Variants in KCNH8 observed in about 807,000 individuals in gnomAD.
The protein encoded by KCNH8 is potassium voltage-gated channel subfamily H member 8.
A neutral mutation model predicts 103.6 loss-of-function variants in KCNH8; 70 were observed. The observed-to-expected ratio is 0.68, with a 90% CI of 0.56 to 0.82. The LOEUF is 0.82. Ranked by LOEUF, KCNH8 falls within the 40% of genes least tolerant of loss-of-function variation. The pLI, the probability that KCNH8 is intolerant of heterozygous loss-of-function variation, is 0.00. For synonymous variants in KCNH8, 498 were observed against 489.4 expected (o/e 1.02, Z -0.23); for missense variants, 1,217 against 1,329.9 (o/e 0.92, Z 1.32).
chr3:19,502,304 T>A lies in KCNH8; in HGVS notation c.2041-8059T>A, dbSNP rs533477858. ...AAACAAATGGAAGAACATTCCATGC[T>A]CATGGGTAGGAAGAATCAATATTGT... On this transcript the variant is annotated intron_variant, in intron 11 of 15. Transcript: ENST00000328405. Among the ~76,000 whole-genome samples the A allele has an allele frequency of 4.6e-5, 7 of 151,234 alleles. No individual in the cohort carries two copies. The East Asian group carries it at 1.4e-3, about 29-fold the overall frequency.
At chr3:19,348,714 C>T (rs912159936) in intron 5 of KCNH8, among the ~76,000 whole-genome samples, 1 of 151,976 alleles carries the variant, frequency 6.6e-6, no homozygotes, top group African/African-American at 2.4e-5. Context: ...CAGCTGATAC[C>T]TGCTTCTTTC....
chr3:19,461,976 C>CT (rs1163943422), intron 11 of KCNH8, among the ~76,000 whole-genome samples: 1 of 152,078 alleles, frequency 6.6e-6, no homozygotes, highest in African/African-American at 2.4e-5. Context: ...TTAACTCATC[C>CT]TTTTTTATGG....
At chr3:19,470,032 T>A (rs1161593079) in intron 11 of KCNH8, among the ~76,000 whole-genome samples, 2 of 152,136 alleles carry the variant, frequency 1.3e-5, no homozygotes, top group Non-Finnish European at 2.9e-5. Flanking sequence ...CAAAGGAAAG[T>A]AGTTACTTTC....
In KCNH8 at chr3:19,519,333, G is replaced by C. The variant is rs1334643831; in HGVS notation, c.2619+1259G>C. On this transcript the variant is annotated intron_variant, in intron 15 of 15. Transcript: ENST00000328405. ...GAAAATGTAATCACGTGATGGTATT[G>C]ATGAGATTTATGAAAAATGAAGTTC... 2.0e-5 allele frequency among the ~76,000 whole-genome samples: 3 copies of C among 151,904 alleles called. No individual in the cohort carries two copies. The East Asian group carries it at 5.8e-4, about 30-fold the overall frequency.
At chr3:19,288,217 TAAAGCTAGTTTA>T (rs2064863850) in intron 3 of KCNH8, among the ~76,000 whole-genome samples, 1 of 139,222 alleles carries the variant, frequency 7.2e-6, no homozygotes, top group Non-Finnish European at 1.6e-5. Flanking sequence ...TTTTTAGTAT[TAAAGCTAGTTTA>T]TTTATTTTTT....
intron 5 of KCNH8, among the ~76,000 whole-genome samples, chr3:19,355,731 C>G (rs7622593): frequency 1.3e-5 from 2 of 151,698 alleles, no homozygotes; most frequent in Non-Finnish European, 1.5e-5. Flanking sequence ...CAGGGCCTGT[C>G]GTGCAGTGGG....
intron 1 of KCNH8, among the ~76,000 whole-genome samples, chr3:19,187,869 G>T (rs1371508971): frequency 6.6e-6 from 1 of 151,742 alleles, no homozygotes; most frequent in African/African-American, 2.4e-5. Flanking sequence ...TGAATACTCT[G>T]GTAAAATTTC....
intron 1 of KCNH8, among the ~76,000 whole-genome samples, chr3:19,200,211 A>G (rs1466415982): frequency 6.6e-6 from 1 of 152,052 alleles, no homozygotes; most frequent in Non-Finnish European, 1.5e-5. Context: ...AAAAAATAAA[A>G]TGAGTTCCAA....
intron 5 of KCNH8, among the ~76,000 whole-genome samples, chr3:19,368,590 G>A (rs1407975142): frequency 1.3e-5 from 2 of 151,994 alleles, no homozygotes; most frequent in African/African-American, 4.8e-5. Flanking sequence ...GGCTGGAGTG[G>A]AATGTTTCAA....
chr3:19,397,942 C>T lies in KCNH8; in HGVS notation c.1177+2631C>T, dbSNP rs189839239. ...TTATAATGAAGTAGCTTAGAGTCTA[C>T]GCTACTTTAATTTTTACCCTGTAAT... On this transcript the variant is annotated intron_variant, in intron 7 of 15. Transcript: ENST00000328405. Among the ~76,000 whole-genome samples the T allele has an allele frequency of 2.2e-3, 329 of 151,956 alleles. 2 individuals carry two copies. Among genetic ancestry groups the T allele is most frequent in the African/African-American group, 7.4e-3 (306 of 41,486 alleles).
In KCNH8 at chr3:19,404,184, A is replaced by G. The variant is rs553095702; in HGVS notation, c.1177+8873A>G. On this transcript the variant is annotated intron_variant, in intron 7 of 15. Transcript: ENST00000328405. The stretch of plus-strand genomic sequence containing the variant: ...TTGCTTTTTCTGTATTTCCTGTCTC[A>G]GTAAATGGCTCAAGCATGCTTCCAT... Among the ~76,000 whole-genome samples, 10 of 151,848 alleles carry G rather than the reference A, an allele frequency of 6.6e-5. No individual in the cohort carries two copies. The South Asian group carries it at 2.1e-3, about 31-fold the overall frequency.
intron 8 of KCNH8, among the ~76,000 whole-genome samples, chr3:19,449,636 A>C (rs1433627429): frequency 6.6e-6 from 1 of 152,046 alleles, no homozygotes; most frequent in Non-Finnish European, 1.5e-5. Context: ...ATTAAAATAG[A>C]CTTATTTCAA....
At chr3:19,443,914 G>A (rs2067321609) in intron 8 of KCNH8, among the ~76,000 whole-genome samples, 2 of 152,042 alleles carry the variant, frequency 1.3e-5, no homozygotes, top group Non-Finnish European at 2.9e-5. Context: ...AATGGTGATG[G>A]TTGCTAACAA....
chr3:19,327,580 A>G (rs1260743162), intron 3 of KCNH8, among the ~76,000 whole-genome samples: 1 of 152,196 alleles, frequency 6.6e-6, no homozygotes, highest in East Asian at 1.9e-4. Flanking sequence ...CTGAGCCACC[A>G]TGCCTGGCCC....
chr3:19,191,949 T>C (rs1293857042), intron 1 of KCNH8, among the ~76,000 whole-genome samples: 1 of 151,724 alleles, frequency 6.6e-6, no homozygotes, highest in Admixed American at 6.6e-5. Context: ...TTAATCTTTC[T>C]TTTAATTTTT....
At chr3:19,319,824 G>T (rs542809918) in intron 3 of KCNH8, among the ~76,000 whole-genome samples, 14 of 151,660 alleles carry the variant, frequency 9.2e-5, no homozygotes, top group South Asian at 2.1e-4. Flanking sequence ...CGTTTGTGTT[G>T]TCTATGATTT....
rs75098037 is a variant in KCNH8, at chr3:19,519,914, A to C, written c.2619+1840A>C. Among the ~76,000 whole-genome samples the C allele has an allele frequency of 8.4e-4, 128 of 151,754 alleles. 1 individual carries two copies. Among genetic ancestry groups the C allele is most frequent in the Middle Eastern group, 3.4e-3 (1 of 294 alleles). On this transcript the variant is annotated intron_variant, in intron 15 of 15. Coordinates refer to ENST00000328405, the MANE Select transcript of KCNH8 (RefSeq NM_144633.3). ...TCTGAGAAAAAATATCTATATGTTCACCTTTAGGAATGTAGATAATTTTTC... is the reference window on the plus strand; with the variant it reads ...TCTGAGAAAAAATATCTATATGTTCCCCTTTAGGAATGTAGATAATTTTTC...
At chr3:19,355,047 A>T (rs1382815916) in intron 5 of KCNH8, among the ~76,000 whole-genome samples, 2 of 152,164 alleles carry the variant, frequency 1.3e-5, no homozygotes, top group Non-Finnish European at 2.9e-5. Flanking sequence ...AAACAATCAA[A>T]CAACCCCATC....
At chr3:19,499,282 G>A (rs1169670629) in intron 11 of KCNH8, among the ~76,000 whole-genome samples, 1 of 152,078 alleles carries the variant, frequency 6.6e-6, no homozygotes, top group Non-Finnish European at 1.5e-5. Context: ...AAGAAATATG[G>A]GACTCTGTGA....
Sources: allele counts gnomAD v4.1 joint callset (sites outside exome capture counted in the v4.1 genomes callset), GRCh38; gene constraint gnomAD v4.1.1; transcripts MANE v1.5; gene names NCBI Gene and HGNC (gene_info 2026-07-23, HGNC 2026-07-21).